Variants in ADAMTSL1 observed in about 807,000 individuals in gnomAD.
ADAMTSL1 encodes ADAMTS-like protein 1.
In ADAMTSL1, 126 loss-of-function variants were observed where a neutral mutation model predicts 201.8. The observed-to-expected ratio is 0.62, with a 90% CI of 0.54 to 0.72. ADAMTSL1 has a LOEUF of 0.72. Among genes scored for constraint, ADAMTSL1 ranks in the 30% least tolerant of loss-of-function variants. The pLI, the probability that ADAMTSL1 is intolerant of heterozygous loss-of-function variation, is 0.00. For missense variants in ADAMTSL1, 2,679 were observed against 2,277.8 expected, an observed-to-expected ratio of 1.18 and a Z score of -3.59; for synonymous variants, 1,121 against 903.4, an observed-to-expected ratio of 1.24 and a Z score of -4.32.
intron 1 of ADAMTSL1, among the ~76,000 whole-genome samples, chr9:18,129,603 G>C (rs149280236): frequency 3.2e-4 from 49 of 152,232 alleles, no homozygotes; most frequent in African/African-American, 1.1e-3. Flanking sequence ...CATAAGAAGA[G>C]ATAGGCTTTG....
At chr9:18,810,449 G>A (rs1424793476) in intron 20 of ADAMTSL1, among the ~76,000 whole-genome samples, 1 of 152,084 alleles carries the variant, frequency 6.6e-6, no homozygotes, top group Non-Finnish European at 1.5e-5. Context: ...AAATAGATGT[G>A]GGAGAAAACA....
chr9:18,175,650 T>C (rs1388117339), intron 2 of ADAMTSL1, among the ~76,000 whole-genome samples: 1 of 152,142 alleles, frequency 6.6e-6, no homozygotes, highest in Non-Finnish European at 1.5e-5. Flanking sequence ...CTGCCTGGAA[T>C]GTCTTCCTTC....
chr9:18,907,014 C>T (rs1830350592), intron 28 of ADAMTSL1, 102 bp downstream of exon 28: 5 of 1,349,398 alleles, frequency 3.7e-6, no homozygotes, highest in Non-Finnish European at 4.1e-6. Context: ...ATGGGGTCAG[C>T]TTCCCCAGGG....
chr9:18,347,671 G>A (rs999084266), intron 2 of ADAMTSL1, among the ~76,000 whole-genome samples: 2 of 152,104 alleles, frequency 1.3e-5, no homozygotes, highest in South Asian at 4.1e-4. Flanking sequence ...ATGAAAATCA[G>A]TTGGGCATGT....
chr9:18,401,763 G>A (rs1292327181), intron 2 of ADAMTSL1, among the ~76,000 whole-genome samples: 1 of 151,984 alleles, frequency 6.6e-6, no homozygotes, highest in Non-Finnish European at 1.5e-5. Flanking sequence ...GGTTATAAAT[G>A]CACCACTTTG....
At chr9:18,663,017 A>G (rs143286466) in intron 9 of ADAMTSL1, among the ~76,000 whole-genome samples, 40 of 152,328 alleles carry the variant, frequency 2.6e-4, no homozygotes, top group African/African-American at 9.4e-4. Flanking sequence ...AAATCATACT[A>G]TACTGATGAT....
intron 15 of ADAMTSL1, among the ~76,000 whole-genome samples, chr9:18,741,876 G>T (rs1588025816): frequency 6.6e-6 from 1 of 152,076 alleles, no homozygotes; most frequent in African/African-American, 2.4e-5. Context: ...CAAGGTCAAG[G>T]TCTGATTCAA....
intron 15 of ADAMTSL1, among the ~76,000 whole-genome samples, chr9:18,748,006 G>C (rs1353877356): frequency 6.6e-6 from 1 of 152,212 alleles, no homozygotes; most frequent in Admixed American, 6.5e-5. Flanking sequence ...GAGACCCTAT[G>C]TCTCCTGCCT....
intron 1 of ADAMTSL1, among the ~76,000 whole-genome samples, chr9:18,086,591 C>A (rs1466488492): frequency 1.3e-5 from 2 of 152,136 alleles, no homozygotes; most frequent in East Asian, 1.9e-4. Context: ...TATTATTAAG[C>A]AGTAAGATAA....
intron 19 of ADAMTSL1, among the ~76,000 whole-genome samples, chr9:18,783,393 T>C (rs1320289518): frequency 6.6e-6 from 1 of 152,152 alleles, no homozygotes; most frequent in Non-Finnish European, 1.5e-5. Flanking sequence ...TCCCCTACCA[T>C]TAGAAACTCT....
At chr9:18,755,154 G>A (rs925088754) in intron 16 of ADAMTSL1, among the ~76,000 whole-genome samples, 3 of 152,168 alleles carry the variant, frequency 2.0e-5, no homozygotes, top group Non-Finnish European at 4.4e-5. Context: ...TGGCCTAGAT[G>A]TAGGCTTCCT....
intron 19 of ADAMTSL1, among the ~76,000 whole-genome samples, chr9:18,778,442 G>C (rs908006682): frequency 2.0e-5 from 3 of 152,314 alleles, no homozygotes; most frequent in Non-Finnish European, 2.9e-5. Context: ...ACCTGTGATT[G>C]ATTATCCTAA....
At chr9:18,084,134 G>T (rs1823639445) in intron 1 of ADAMTSL1, among the ~76,000 whole-genome samples, 1 of 152,110 alleles carries the variant, frequency 6.6e-6, no homozygotes. Flanking sequence ...TCAATTTTTT[G>T]CCTTAGCTAA....
intron 2 of ADAMTSL1, among the ~76,000 whole-genome samples, chr9:18,514,405 C>T (rs1316468957): frequency 2.0e-5 from 3 of 147,728 alleles, no homozygotes; most frequent in African/African-American, 7.5e-5. Context: ...TCTCGGCTCA[C>T]TGCAAGCTCC....
chr9:18,168,325 T>A (rs1306177726), intron 2 of ADAMTSL1, among the ~76,000 whole-genome samples: 1 of 152,152 alleles, frequency 6.6e-6, no homozygotes, highest in Non-Finnish European at 1.5e-5. Flanking sequence ...CCTTCCTGTG[T>A]CCATGAGTTC....
intron 1 of ADAMTSL1, among the ~76,000 whole-genome samples, chr9:17,929,122 C>G (rs946291366): frequency 6.6e-6 from 1 of 152,024 alleles, no homozygotes; most frequent in Admixed American, 6.5e-5. Flanking sequence ...GGTTTCTAAC[C>G]TTTTTAAATA....
At position 18,410,853 on chromosome 9, in the gene ADAMTSL1, T is replaced by C. The variant is rs1351800705; in HGVS notation, c.208-93976T>C. 5.3e-5 allele frequency among the ~76,000 whole-genome samples: 8 copies of C among 151,410 alleles called. No individual in the cohort carries two copies. The East Asian group carries it at 1.4e-3, about 26-fold the overall frequency. ...ATTTTCTGTCTTCTTCTTCTTTTTT[T>C]TTTTTTTTAGACACAGTCTTGCTCT... is the stretch of plus-strand genomic sequence containing the variant. On this transcript the variant is annotated intron_variant, in intron 2 of 29. Coordinates refer to the ADAMTSL1 transcript ENST00000680146.
chr9:18,801,104 G>C (rs1198350321), intron 20 of ADAMTSL1, among the ~76,000 whole-genome samples: 2 of 152,124 alleles, frequency 1.3e-5, no homozygotes, highest in Non-Finnish European at 2.9e-5. Context: ...AAGTGCTAAG[G>C]GCCCTGTAAT....
chr9:18,277,979 A>T (rs936963677), intron 2 of ADAMTSL1, among the ~76,000 whole-genome samples: 10 of 152,116 alleles, frequency 6.6e-5, no homozygotes, highest in Admixed American at 3.9e-4. Flanking sequence ...CGTGAAGCTT[A>T]CATAAAATAT....
Sources: gnomAD v4.1 joint callset for allele counts (sites outside exome capture counted in the v4.1 genomes callset) on GRCh38, gnomAD v4.1.1 for gene constraint, MANE v1.5 for transcripts, NCBI Gene and HGNC (gene_info 2026-07-23, HGNC 2026-07-21) for gene names.